Variants in SLURP2 observed in about 807,000 individuals in gnomAD.
The protein encoded by SLURP2 is secreted Ly-6/uPAR domain-containing protein 2.
SLURP2 carries 4 observed loss-of-function variants against 9.8 expected under a neutral mutation model. The ratio of observed to expected loss-of-function variants is 0.41; its 90% CI spans 0.20 to 0.94. The LOEUF (loss-of-function observed/expected upper bound fraction) is 0.94, where lower values mean the gene tolerates loss of function less well. SLURP2 is among the 40% of genes least tolerant of loss of function. SLURP2 has a pLI of 0.32. For synonymous variants in SLURP2, 58 were observed against 56.2 expected (o/e 1.03, Z -0.15); for missense variants, 118 against 126.4 (o/e 0.93, Z 0.32).
Position 142,764,599 on chromosome 8 carries a change from C to G in SLURP2, c.*6G>C. On this transcript the variant is annotated 3_prime_UTR_variant, in exon 3 of 3. Coordinates refer to ENST00000317543, the MANE Select transcript of SLURP2 (RefSeq NM_177458.3). ...GAGCGTCCGGGGGCCTGGAGGAGGG[C>G]AGCCGTCAGTCATGGTTGCAGAGGC... is the stretch of plus-strand genomic sequence containing the variant. 1 of 1,601,658 alleles carries G rather than the reference C, an allele frequency of 6.2e-7. No homozygotes were observed. Among genetic ancestry groups the G allele is most frequent in the Non-Finnish European group, 8.5e-7 (1 of 1,175,626 alleles).
At position 142,764,569 on chromosome 8, in the gene SLURP2, G is replaced by A. The variant is rs777922202; in HGVS notation, c.*36C>T. The A allele has an allele frequency of 1.3e-6, 2 of 1,594,634 alleles. No individual in the cohort carries two copies. Among genetic ancestry groups the A allele is most frequent in the South Asian group, 2.2e-5 (2 of 89,356 alleles). ...TGGCGCCAGGCTGTGGGGGCTGTGG[G>A]GGCTGAGCGTCCGGGGGCCTGGAGG... is the stretch of plus-strand genomic sequence containing the variant. On this transcript the variant is annotated 3_prime_UTR_variant, in exon 3 of 3. Transcript: ENST00000317543.
intron 1 of SLURP2, 45 bp from the exon 2 acceptor site, chr8:142,765,185 G>A: frequency 2.7e-6 from 4 of 1,494,528 alleles, no homozygotes; most frequent in African/African-American, 1.4e-5. Flanking sequence ...TGGGAGGCAG[G>A]TGTGGGCCAC....
rs191961744 is a variant in SLURP2, at chr8:142,767,398, G to A, written c.53-2258C>T. ...CCAACCTAGTGACAGCCAATAAGTC[G>A]GACACGCCTCTACTCAACACTGGCA... On this transcript the variant is annotated intron_variant, in intron 1 of 2. Coordinates refer to ENST00000317543, the MANE Select transcript of SLURP2 (RefSeq NM_177458.3). Among the ~76,000 whole-genome samples the A allele has an allele frequency of 1.3e-3, 192 of 152,278 alleles. 1 individual carries two copies. Among genetic ancestry groups the A allele is most frequent in the African/African-American group, 4.5e-3 (187 of 41,546 alleles).
Position 142,764,361 on chromosome 8 carries a change from T to G in SLURP2, c.*244A>C. The G allele has an allele frequency of 2.9e-5, 18 of 622,764 alleles. No individual in the cohort carries two copies. Among genetic ancestry groups the G allele is most frequent in the Non-Finnish European group, 2.9e-5 (10 of 348,914 alleles). The allele number at this position is 622,764 out of a possible 1,614,324, so 38.6% of individuals were successfully genotyped here. A position where few individuals can be genotyped will look rare whatever the true frequency, so the allele number is the denominator to read the frequency against. On this transcript the variant is annotated 3_prime_UTR_variant, in exon 3 of 3. Coordinates refer to ENST00000317543, the MANE Select transcript of SLURP2 (RefSeq NM_177458.3). Reference sequence around the variant, plus strand: ...GCTTGTACCACACGATCCAATCACATTTTATTGTGGGGAGGTCGGGACCTG... The same window carrying G: ...GCTTGTACCACACGATCCAATCACAGTTTATTGTGGGGAGGTCGGGACCTG...
chr8:142,768,577 G>A lies in SLURP2; in HGVS notation c.52+1178C>T, dbSNP rs982819373. The stretch of plus-strand genomic sequence containing the variant: ...GGGCCTCTGGGTCAGAGGGGAGTCC[G>A]TGGGCACCGGGCACCCAGGCAGAGG... On this transcript the variant is annotated intron_variant, in intron 1 of 2. Transcript: ENST00000317543. The surrounding 1 kb of genome is among the most constrained non-coding windows in gnomAD (Gnocchi z 4.8). 3.3e-5 allele frequency among the ~76,000 whole-genome samples: 5 copies of A among 152,110 alleles called. No homozygotes were observed. The highest frequency in any genetic ancestry group is 1.3e-4 in the Admixed American group (2 of 15,280).
At chr8:142,767,326 T>C (rs1166979966) in intron 1 of SLURP2, among the ~76,000 whole-genome samples, 3 of 152,228 alleles carry the variant, frequency 2.0e-5, no homozygotes, top group African/African-American at 7.2e-5. Flanking sequence ...CAAGCCCCTC[T>C]CTGCCTTCCC....
chr8:142,768,351 A>T lies in SLURP2; in HGVS notation c.52+1404T>A, dbSNP rs1351089657. Reference sequence around the variant, plus strand: ...GGGACCCCCGTGCTGGCTCTGAAGCAGGCTGGCCCCTCGGGGAGATTGTGC... The same window carrying T: ...GGGACCCCCGTGCTGGCTCTGAAGCTGGCTGGCCCCTCGGGGAGATTGTGC... On this transcript the variant is annotated intron_variant, in intron 1 of 2. Coordinates refer to ENST00000317543, the MANE Select transcript of SLURP2 (RefSeq NM_177458.3). This position sits in a 1 kb window ranked among gnomAD's most constrained non-coding sequence, Gnocchi z 4.8. Among the ~76,000 whole-genome samples, 1 of 152,076 alleles carries T rather than the reference A, an allele frequency of 6.6e-6. No homozygotes were observed. The highest frequency in any genetic ancestry group is 1.5e-5 in the Non-Finnish European group (1 of 67,990).
rs587611901 is a variant in SLURP2, at chr8:142,768,906, G to A, written c.52+849C>T. 6.6e-6 allele frequency among the ~76,000 whole-genome samples: 1 copy of A among 152,274 alleles called. No individual in the cohort carries two copies. Among genetic ancestry groups the A allele is most frequent in the Non-Finnish European group, 1.5e-5 (1 of 67,998 alleles). On this transcript the variant is annotated intron_variant, in intron 1 of 2. Coordinates refer to ENST00000317543, the MANE Select transcript of SLURP2 (RefSeq NM_177458.3). The surrounding 1 kb of genome is among the most constrained non-coding windows in gnomAD (Gnocchi z 4.8). ...CTCATTCAGGGCCTGGGAGGCAGGG[G>A]CTGCCCAGGTCGTTCAACCCACAGC...
Position 142,764,635 on chromosome 8 carries a change from G to A in SLURP2, c.264C>T (p.Cys88=). The change falls in exon 3 of 3, where the codon TGC becomes TGT. Residue 88 remains cysteine, a synonymous_variant. Coordinates refer to ENST00000317543, the MANE Select transcript of SLURP2 (RefSeq NM_177458.3). ...CATGGTTGCAGAGGCTGGTCTGGCA[G>A]CAAGCGATGGATACGTAGGGGCCCA... ...LGLGPYVSIA[C]CQTSLCNHD 1 of 1,608,270 alleles carries A rather than the reference G, an allele frequency of 6.2e-7. No individual in the cohort carries two copies. The highest frequency in any genetic ancestry group is 8.5e-7 in the Non-Finnish European group (1 of 1,178,256).
In SLURP2 at chr8:142,768,356, G is replaced by A. The variant is rs951412809; in HGVS notation, c.52+1399C>T. Among the ~76,000 whole-genome samples the A allele has an allele frequency of 1.3e-5, 2 of 152,088 alleles. No individual in the cohort carries two copies. Among genetic ancestry groups the A allele is most frequent in the Admixed American group, 1.3e-4 (2 of 15,280 alleles). ...CCCCGTGCTGGCTCTGAAGCAGGCT[G>A]GCCCCTCGGGGAGATTGTGCTGTCC... On this transcript the variant is annotated intron_variant, in intron 1 of 2. Coordinates refer to ENST00000317543, the MANE Select transcript of SLURP2 (RefSeq NM_177458.3). The surrounding 1 kb of genome is among the most constrained non-coding windows in gnomAD (Gnocchi z 4.8).
At chr8:142,765,853 C>T (rs1299642962) in intron 1 of SLURP2, among the ~76,000 whole-genome samples, 2 of 151,902 alleles carry the variant, frequency 1.3e-5, no homozygotes, top group Non-Finnish European at 2.9e-5. Flanking sequence ...ATCCCAGCTA[C>T]TCAGGAGGCT....
chr8:142,769,618 C>T (rs1015381896), intron 1 of SLURP2, 137 bp downstream of exon 1: 24 of 740,664 alleles, frequency 3.2e-5, no homozygotes, highest in Non-Finnish European at 4.8e-5. Context: ...CGGAGGAAAG[C>T]TGCACCTGGT....
chr8:142,769,672 C>A, intron 1 of SLURP2, 83 bp downstream of exon 1: 2 of 1,316,398 alleles, frequency 1.5e-6, no homozygotes, highest in Admixed American at 2.1e-5. Context: ...GGTGGGCAGT[C>A]ACAGCCCAGG....
At position 142,768,392 on chromosome 8, in the gene SLURP2, G is replaced by A. The variant is rs1462429306; in HGVS notation, c.52+1363C>T. On this transcript the variant is annotated intron_variant, in intron 1 of 2. Coordinates refer to ENST00000317543, the MANE Select transcript of SLURP2 (RefSeq NM_177458.3). This position sits in a 1 kb window ranked among gnomAD's most constrained non-coding sequence, Gnocchi z 4.8. Reference sequence around the variant, plus strand: ...GAGATTGTGCTGTCCATGTATGGCAGAGAGCAGACACCAAGCAATGACAGG... The same window carrying A: ...GAGATTGTGCTGTCCATGTATGGCAAAGAGCAGACACCAAGCAATGACAGG... Among the ~76,000 whole-genome samples the A allele has an allele frequency of 1.3e-5, 2 of 152,134 alleles. No homozygotes were observed. The highest frequency in any genetic ancestry group is 2.4e-5 in the African/African-American group (1 of 41,414).
At chr8:142,769,600 G>C (rs1815112265) in intron 1 of SLURP2, among the ~76,000 whole-genome samples, 155 bp downstream of exon 1, 1 of 151,240 alleles carries the variant, frequency 6.6e-6, no homozygotes. Context: ...AGGATCGCAG[G>C]AGGCTTTCGG....
intron 1 of SLURP2, among the ~76,000 whole-genome samples, chr8:142,766,894 G>A (rs1563833781): frequency 6.6e-6 from 1 of 152,148 alleles, no homozygotes. Context: ...CGCAGGCCCT[G>A]GCTTCCTCTT....
At chr8:142,765,797 C>T (rs1814986236) in intron 1 of SLURP2, among the ~76,000 whole-genome samples, 1 of 152,052 alleles carries the variant, frequency 6.6e-6, no homozygotes, top group Non-Finnish European at 1.5e-5. Flanking sequence ...CCTATCTCTA[C>T]TAAAAATATA....
In SLURP2 at chr8:142,764,488, G is replaced by T; in HGVS notation, c.*117C>A. The T allele has an allele frequency of 9.4e-7, 1 of 1,066,598 alleles. No homozygotes were observed. The highest frequency in any genetic ancestry group is 1.4e-6 in the Non-Finnish European group (1 of 713,972). The allele number at this position is 1,066,598 out of a possible 1,614,324, so 66.1% of individuals were successfully genotyped here. The stretch of plus-strand genomic sequence containing the variant: ...GGACAAGCGGTGCTGGACGGTGGCT[G>T]CAGAGGCCGGGAGAGGTGGGCTGGC... On this transcript the variant is annotated 3_prime_UTR_variant, in exon 3 of 3. Coordinates refer to ENST00000317543, the MANE Select transcript of SLURP2 (RefSeq NM_177458.3).
At position 142,768,337 on chromosome 8, in the gene SLURP2, G is replaced by A. The variant is rs1242453534; in HGVS notation, c.52+1418C>T. ...GGTCTCTCCCACTGGGGACCCCCGT[G>A]CTGGCTCTGAAGCAGGCTGGCCCCT... is the stretch of plus-strand genomic sequence containing the variant. On this transcript the variant is annotated intron_variant, in intron 1 of 2. Coordinates refer to ENST00000317543, the MANE Select transcript of SLURP2 (RefSeq NM_177458.3). This position sits in a 1 kb window ranked among gnomAD's most constrained non-coding sequence, Gnocchi z 4.8. 2.6e-5 allele frequency among the ~76,000 whole-genome samples: 4 copies of A among 152,206 alleles called. No individual in the cohort carries two copies. Among genetic ancestry groups the A allele is most frequent in the African/African-American group, 9.6e-5 (4 of 41,504 alleles).
Sources: gnomAD v4.1 joint callset for allele counts (sites outside exome capture counted in the v4.1 genomes callset) on GRCh38, gnomAD v4.1.1 for gene constraint, Gnocchi (gnomAD v3.1) non-coding constraint, MANE v1.5 for transcripts, NCBI Gene and HGNC (gene_info 2026-07-23, HGNC 2026-07-21) for gene names.